The following PTPRD variants were observed in gnomAD, a reference collection of about 807,000 sequenced individuals.
PTPRD encodes receptor-type tyrosine-protein phosphatase delta.
A neutral mutation model predicts 214.5 loss-of-function variants in PTPRD; 34 were observed. That is an observed-to-expected ratio of 0.16 (90% CI 0.12 to 0.21). The LOEUF is 0.21. PTPRD is among the 10% of genes least tolerant of loss of function. PTPRD has a pLI of 1.00. For synonymous variants in PTPRD, 1,128 were observed against 845.7 expected (o/e 1.33, Z -5.79); for missense variants, 2,545 against 2,398.7 (o/e 1.06, Z -1.27).
intron 10 of PTPRD, among the ~76,000 whole-genome samples, chr9:9,062,301 G>A (rs1022360448): frequency 6.6e-6 from 1 of 152,112 alleles, no homozygotes; most frequent in Non-Finnish European, 1.5e-5. Flanking sequence ...TAAGACACAA[G>A]TTGACACTGC....
chr9:10,306,367 T>C (rs1169296551), intron 3 of PTPRD, among the ~76,000 whole-genome samples: 3 of 152,002 alleles, frequency 2.0e-5, no homozygotes, highest in African/African-American at 4.8e-5. Flanking sequence ...GGCATGTGTA[T>C]ACCTATGTAA....
chr9:8,691,500 G>C (rs948734692), intron 12 of PTPRD, among the ~76,000 whole-genome samples: 3 of 151,062 alleles, frequency 2.0e-5, no homozygotes, highest in African/African-American at 4.9e-5. Context: ...AAAAAAAAAT[G>C]AACAAACCTC....
intron 5 of PTPRD, among the ~76,000 whole-genome samples, chr9:9,859,323 C>G (rs1297389373): frequency 6.6e-6 from 1 of 152,198 alleles, no homozygotes; most frequent in Non-Finnish European, 1.5e-5. Context: ...CCATACCAAT[C>G]ACAATCAATT....
intron 11 of PTPRD, among the ~76,000 whole-genome samples, chr9:8,961,188 G>T (rs1487313766): frequency 6.6e-6 from 1 of 152,120 alleles, no homozygotes; most frequent in Non-Finnish European, 1.5e-5. Context: ...TACATTGCAA[G>T]CTTATATTTG....
At chr9:8,775,001 A>G (rs10815934) in intron 11 of PTPRD, among the ~76,000 whole-genome samples, 108,593 of 151,906 alleles carry the variant, frequency 0.71, 38,869 homozygotes, top group Middle Eastern at 0.82. Context: ...GGCAACAGAA[A>G]GGAACAATTT....
At chr9:9,901,097 G>A (rs1420770293) in intron 5 of PTPRD, among the ~76,000 whole-genome samples, 1 of 152,114 alleles carries the variant, frequency 6.6e-6, no homozygotes, top group Non-Finnish European at 1.5e-5. Flanking sequence ...AAAGCTTACA[G>A]TCATAGTGGA....
chr9:8,800,010 A>C (rs1021110593), intron 11 of PTPRD, among the ~76,000 whole-genome samples: 1 of 151,974 alleles, frequency 6.6e-6, no homozygotes, highest in African/African-American at 2.4e-5. Context: ...GAAGATGATA[A>C]ACAAACATTC....
intron 9 of PTPRD, among the ~76,000 whole-genome samples, chr9:9,379,222 G>T (rs948051977): frequency 2.7e-5 from 4 of 146,886 alleles, no homozygotes; most frequent in African/African-American, 9.9e-5. Context: ...ATATATATTT[G>T]ATATATTTTA....
At chr9:10,451,212 A>G (rs998799624) in intron 2 of PTPRD, among the ~76,000 whole-genome samples, 1 of 151,952 alleles carries the variant, frequency 6.6e-6, no homozygotes, top group African/African-American at 2.4e-5. Flanking sequence ...TTGAGGCTCT[A>G]TTTTGAACAA....
chr9:8,801,651 G>C (rs1453013437), intron 11 of PTPRD, among the ~76,000 whole-genome samples: 1 of 152,190 alleles, frequency 6.6e-6, no homozygotes, highest in Admixed American at 6.5e-5. Flanking sequence ...GGGAAGCAGA[G>C]GTTGCAGTGG....
intron 36 of PTPRD, among the ~76,000 whole-genome samples, chr9:8,403,220 T>C (rs545400622): frequency 3.4e-4 from 52 of 152,290 alleles, no homozygotes; most frequent in Middle Eastern, 3.4e-3. Flanking sequence ...AGCAGAGATT[T>C]TGGAAGCAGA....
chr9:9,213,174 G>C (rs552165701), intron 9 of PTPRD, among the ~76,000 whole-genome samples: 89 of 152,266 alleles, frequency 5.8e-4, no homozygotes, highest in Non-Finnish European at 1.1e-3. Context: ...AGTGGTTTCA[G>C]ATTCTGTTTC....
intron 11 of PTPRD, among the ~76,000 whole-genome samples, chr9:8,892,164 C>A (rs1174069843): frequency 6.6e-6 from 1 of 152,172 alleles, no homozygotes; most frequent in Admixed American, 6.6e-5. Flanking sequence ...TTCAGTATGA[C>A]TAACTCCTCC....
intron 8 of PTPRD, among the ~76,000 whole-genome samples, chr9:9,402,711 T>A (rs559646535): frequency 2.1e-5 from 3 of 142,962 alleles, no homozygotes; most frequent in African/African-American, 7.9e-5. Context: ...AAAAGATGTC[T>A]GAGCAAGTAT....
At chr9:10,173,102 A>G (rs2099221238) in intron 3 of PTPRD, among the ~76,000 whole-genome samples, 1 of 152,192 alleles carries the variant, frequency 6.6e-6, no homozygotes, top group Admixed American at 6.5e-5. Flanking sequence ...TCTATTTGGA[A>G]TATAACATTA....
chr9:8,677,222 A>G (rs1451493228), intron 12 of PTPRD, among the ~76,000 whole-genome samples: 3 of 152,232 alleles, frequency 2.0e-5, no homozygotes, highest in Non-Finnish European at 2.9e-5. Flanking sequence ...ATGCACACAT[A>G]CATTTATCAC....
intron 12 of PTPRD, among the ~76,000 whole-genome samples, chr9:8,692,180 G>T (rs1353250476): frequency 6.6e-6 from 1 of 152,170 alleles, no homozygotes; most frequent in East Asian, 1.9e-4. Flanking sequence ...AATAAACTAA[G>T]TAAAGAGCCA....
intron 4 of PTPRD, among the ~76,000 whole-genome samples, chr9:9,997,094 T>C (rs141014848): frequency 7.2e-5 from 11 of 152,228 alleles, no homozygotes; most frequent in African/African-American, 2.6e-4. Flanking sequence ...AATGTCCAAA[T>C]AATTAAGGAA....
At chr9:10,463,594 A>T (rs1437985872) in intron 2 of PTPRD, among the ~76,000 whole-genome samples, 1 of 152,118 alleles carries the variant, frequency 6.6e-6, no homozygotes, top group Non-Finnish European at 1.5e-5. Context: ...TTAAGGAAAT[A>T]GTCTTAAATT....
Sources: allele counts gnomAD v4.1 joint callset (sites outside exome capture counted in the v4.1 genomes callset), GRCh38; gene constraint gnomAD v4.1.1; transcripts MANE v1.5; gene names NCBI Gene and HGNC (gene_info 2026-07-23, HGNC 2026-07-21).